Variants in GPC5 observed in about 807,000 individuals in gnomAD.
The protein encoded by GPC5 is glypican-5.
Under a neutral mutation model 53.9 loss-of-function variants are expected in GPC5, and 47 were observed. The ratio of observed to expected loss-of-function variants is 0.87; its 90% CI spans 0.69 to 1.11. GPC5 has a LOEUF of 1.11. Among genes scored for constraint, GPC5 ranks in the 50% most tolerant of loss-of-function variants. GPC5 has a pLI of 0.00. For missense variants in GPC5, 748 were observed against 713.1 expected, an observed-to-expected ratio of 1.05 and a Z score of -0.56; for synonymous variants, 286 against 263.3, an observed-to-expected ratio of 1.09 and a Z score of -0.84.
At chr13:91,758,707 A>G (rs1413993426) in intron 5 of GPC5, among the ~76,000 whole-genome samples, 4 of 152,132 alleles carry the variant, frequency 2.6e-5, no homozygotes, top group African/African-American at 7.2e-5. Context: ...GAAGTGTGTG[A>G]TTCTTAGTAT....
At chr13:91,711,478 T>C (rs1032810887) in intron 3 of GPC5, among the ~76,000 whole-genome samples, 1 of 151,940 alleles carries the variant, frequency 6.6e-6, no homozygotes, top group African/African-American at 2.4e-5. Context: ...GGGGGAGGGA[T>C]AGCATTAGGA....
At chr13:91,822,250 C>T (rs1265314551) in intron 5 of GPC5, among the ~76,000 whole-genome samples, 1 of 152,134 alleles carries the variant, frequency 6.6e-6, no homozygotes, top group Non-Finnish European at 1.5e-5. Context: ...GTCCCTGATT[C>T]GTTTGTCAGA....
chr13:92,470,250 T>C (rs529727970), intron 7 of GPC5, among the ~76,000 whole-genome samples: 12 of 152,302 alleles, frequency 7.9e-5, no homozygotes, highest in African/African-American at 2.9e-4. Context: ...AATATTAATA[T>C]GGATATTTAT....
chr13:92,109,692 C>T (rs1373192830), intron 6 of GPC5, among the ~76,000 whole-genome samples: 2 of 152,092 alleles, frequency 1.3e-5, no homozygotes, highest in Admixed American at 6.6e-5. Flanking sequence ...TCCCCATTAC[C>T]GTAGTCTTTC....
intron 7 of GPC5, among the ~76,000 whole-genome samples, chr13:92,257,281 G>A (rs892498643): frequency 2.0e-5 from 3 of 151,872 alleles, no homozygotes; most frequent in African/African-American, 4.8e-5. Context: ...ATCAAACAAA[G>A]CAAAATAGAT....
At chr13:92,782,183 C>T (rs1240672394) in intron 7 of GPC5, among the ~76,000 whole-genome samples, 2 of 152,000 alleles carry the variant, frequency 1.3e-5, no homozygotes, top group Admixed American at 1.3e-4. Context: ...AAATCACCAC[C>T]ATTCATCTCC....
intron 1 of GPC5, among the ~76,000 whole-genome samples, chr13:91,415,836 G>A (rs1878180942): frequency 6.6e-6 from 1 of 152,002 alleles, no homozygotes; most frequent in East Asian, 1.9e-4. Context: ...CCCTTTTCAT[G>A]TCTCTCCAAG....
chr13:91,707,238 G>A (rs2036125568), intron 3 of GPC5, among the ~76,000 whole-genome samples: 2 of 152,108 alleles, frequency 1.3e-5, no homozygotes, highest in African/African-American at 2.4e-5. Context: ...ATGAAAAGAT[G>A]TTTAACATTG....
intron 7 of GPC5, among the ~76,000 whole-genome samples, chr13:92,444,445 G>A (rs1024966656): frequency 1.3e-5 from 2 of 152,126 alleles, no homozygotes; most frequent in South Asian, 2.1e-4. Flanking sequence ...GTCTCAATTA[G>A]ATCAGCCTGC....
chr13:91,480,492 C>T (rs991885288), intron 2 of GPC5, among the ~76,000 whole-genome samples: 3 of 152,192 alleles, frequency 2.0e-5, no homozygotes, highest in African/African-American at 7.2e-5. Context: ...ACTGCCAAAT[C>T]CAGCGTGACT....
In GPC5 at chr13:91,693,325, C is replaced by T. The variant is rs553717; in HGVS notation, c.464C>T (p.Ala155Val). Residue 155 changes from alanine (A) to valine (V), a missense_variant, in exon 3 of 8, where the codon GCG becomes GTG. Ala to Val is a moderately conservative substitution (Grantham distance 64). Transcript: ENST00000377067. Reference sequence around the variant, plus strand: ...GATGTGGGGCTGTATTTATTTGGTGCGGATGTTAATCCTGAAGAATTTGTA... The same window carrying T: ...GATGTGGGGCTGTATTTATTTGGTGTGGATGTTAATCCTGAAGAATTTGTA... ...FTDVGLYLFG[A>V]DVNPEEFVNR... The T allele has an allele frequency of 0.12, 195,917 of 1,613,624 alleles. 13,465 individuals carry two copies. Among genetic ancestry groups the T allele is most frequent in the East Asian group, 0.29 (13,081 of 44,834 alleles).
chr13:91,792,724 G>T (rs2037986383), intron 5 of GPC5, among the ~76,000 whole-genome samples: 1 of 152,160 alleles, frequency 6.6e-6, no homozygotes, highest in South Asian at 2.1e-4. Context: ...AGTAAAACCA[G>T]TAAATTCCAT....
intron 7 of GPC5, among the ~76,000 whole-genome samples, chr13:92,187,078 C>G (rs536816992): frequency 6.6e-6 from 1 of 151,198 alleles, no homozygotes; most frequent in East Asian, 2.0e-4. Context: ...CGCCATTGCA[C>G]TTCAGCCTGG....
chr13:92,846,541 G>A (rs1594546440), intron 7 of GPC5, among the ~76,000 whole-genome samples: 1 of 152,118 alleles, frequency 6.6e-6, no homozygotes, highest in East Asian at 1.9e-4. Flanking sequence ...CTGTATTTAT[G>A]CACTACAGAA....
intron 7 of GPC5, among the ~76,000 whole-genome samples, chr13:92,375,451 A>G (rs567423238): frequency 6.6e-6 from 1 of 152,332 alleles, no homozygotes; most frequent in East Asian, 1.9e-4. Context: ...GCTTCAACTC[A>G]TCTTAAAAAT....
At chr13:92,459,072 T>C (rs1878384313) in intron 7 of GPC5, among the ~76,000 whole-genome samples, 1 of 152,218 alleles carries the variant, frequency 6.6e-6, no homozygotes, top group South Asian at 2.1e-4. Context: ...AACTATGCTT[T>C]GTTAGTCCAG....
chr13:92,214,002 CTTCTT>C (rs1359272779), intron 7 of GPC5, among the ~76,000 whole-genome samples: 1 of 152,150 alleles, frequency 6.6e-6, no homozygotes, highest in Non-Finnish European at 1.5e-5. Context: ...TGTTTATTCT[CTTCTT>C]TTCAAGAGCC....
chr13:91,725,502 T>C (rs1043760753), intron 3 of GPC5, among the ~76,000 whole-genome samples: 2 of 152,186 alleles, frequency 1.3e-5, no homozygotes, highest in Non-Finnish European at 2.9e-5. Flanking sequence ...AGTATGAAGT[T>C]AATCTCCCTC....
At chr13:92,826,474 G>A (rs1877851263) in intron 7 of GPC5, among the ~76,000 whole-genome samples, 1 of 152,038 alleles carries the variant, frequency 6.6e-6, no homozygotes, top group Admixed American at 6.6e-5. Context: ...ACTAAGAAGA[G>A]GACTTAAGAC....
Sources: allele counts gnomAD v4.1 joint callset (sites outside exome capture counted in the v4.1 genomes callset), GRCh38; gene constraint gnomAD v4.1.1; transcripts MANE v1.5; gene names NCBI Gene and HGNC (gene_info 2026-07-23, HGNC 2026-07-21).